The following TEDC1 variants were observed in gnomAD, a reference collection of about 807,000 sequenced individuals.
The protein encoded by TEDC1 is tubulin epsilon and delta complex 1.
In TEDC1, 54 loss-of-function variants were observed where a neutral mutation model predicts 59.9. The observed-to-expected ratio is 0.90, with a 90% CI of 0.72 to 1.13. TEDC1 has a LOEUF of 1.13. Among genes scored for constraint, TEDC1 ranks in the 50% most tolerant of loss-of-function variants. TEDC1 has a pLI of 0.00. For synonymous variants in TEDC1, 353 were observed against 298.1 expected (o/e 1.18, Z -1.90); for missense variants, 734 against 683.4 (o/e 1.07, Z -0.83).
intron 2 of TEDC1, 95 bp downstream of exon 2, chr14:105,491,795 C>G (rs1445534266): frequency 7.2e-7 from 1 of 1,379,448 alleles, no homozygotes; most frequent in Non-Finnish European, 9.9e-7. Flanking sequence ...CCCCGGCAGG[C>G]TCTAGCCCCC....
At position 105,497,830 on chromosome 14, in the gene TEDC1, G is replaced by C. The variant is rs1555440750; in HGVS notation, c.1011G>C (p.Val337=). The change falls in exon 8 of 9, where the codon GTG becomes GTC. Residue 337 remains valine (V), a synonymous_variant. Coordinates refer to ENST00000392523, the MANE Select transcript of TEDC1 (RefSeq NM_001367178.1). ...TCCTGGGCACCTGTGCCCCGGAGGTGCCTGCTGCAGCCTCACAGCCCACCT... is the reference window on the plus strand; with the variant it reads ...TCCTGGGCACCTGTGCCCCGGAGGTCCCTGCTGCAGCCTCACAGCCCACCT... ...DTVLGTCAPE[V]PAAASQPTFL... is the part of the protein sequence containing the mutation. The C allele has an allele frequency of 6.4e-7, 1 of 1,572,328 alleles. No homozygotes were observed. Among genetic ancestry groups the C allele is most frequent in the Non-Finnish European group, 8.6e-7 (1 of 1,158,986 alleles).
At position 105,491,598 on chromosome 14, in the gene TEDC1, C is replaced by T. The variant is rs1555439309; in HGVS notation, c.148-24C>T. On this transcript the variant is annotated intron_variant, in intron 1 of 8. Transcript: ENST00000392523. Reference sequence around the variant, plus strand: ...CAGGGAGTTGGGCCGGCTCCGCTGACCGCCCGCTTTTTATTTTCCGCAGAC... The same window carrying T: ...CAGGGAGTTGGGCCGGCTCCGCTGATCGCCCGCTTTTTATTTTCCGCAGAC... 25 of 1,548,942 alleles carry T rather than the reference C, an allele frequency of 1.6e-5. No individual in the cohort carries two copies. The South Asian group carries it at 2.4e-4, about 15-fold the overall frequency.
rs781915252 is a variant in TEDC1, at chr14:105,498,967, G to A, written c.*21G>A. Reference sequence around the variant, plus strand: ...GCTGAGGGCCTGTCGACGGGCCCTCGTGTGGGAAGCCTGCCCTGGCCCAGC... The same window carrying A: ...GCTGAGGGCCTGTCGACGGGCCCTCATGTGGGAAGCCTGCCCTGGCCCAGC... On this transcript the variant is annotated 3_prime_UTR_variant, in exon 9 of 9. Transcript: ENST00000392523. 26 of 1,579,196 alleles carry A rather than the reference G, an allele frequency of 1.6e-5. No individual in the cohort carries two copies. Among genetic ancestry groups the A allele is most frequent in the South Asian group, 3.5e-5 (3 of 86,410 alleles).
chr14:105,490,952 G>A (rs2084191521), upstream of TEDC1: 6 of 1,325,538 alleles, frequency 4.5e-6, no homozygotes, highest in South Asian at 6.3e-5. Context: ...CTGCAAGGGC[G>A]GACTCTGCGG....
Position 105,498,664 on chromosome 14 carries a change from C to T in TEDC1, c.1206C>T (p.Ala402=), listed in dbSNP as rs1555441009. 15 of 1,554,222 alleles carry T rather than the reference C, an allele frequency of 9.7e-6. No homozygotes were observed. The highest frequency in any genetic ancestry group is 8.7e-7 in the Non-Finnish European group (1 of 1,149,592). The stretch of plus-strand genomic sequence containing the variant: ...CAGAGTGGAGTGCCGCGCGGCGGGC[C>T]TCTCGGGAGGCTGTGGAAAAGGAGC... ...RGPEWSAARR[A]SREAVEKELG... The change falls in exon 9 of 9, where the codon GCC becomes GCT. Residue 402 remains alanine, a synonymous_variant. Transcript: ENST00000392523.
intron 2 of TEDC1, among the ~76,000 whole-genome samples, 158 bp from the exon 3 acceptor site, chr14:105,491,949 C>G (rs1224183656): frequency 6.6e-6 from 1 of 152,244 alleles, no homozygotes; most frequent in East Asian, 1.9e-4. Flanking sequence ...GGCCCCTGGT[C>G]TCCTCATCCT....
Position 105,499,067 on chromosome 14 carries a change from C to T in TEDC1, c.*121C>T, listed in dbSNP as rs900908615. ...CGATGCAGATGCAGAGCCCACGTCA[C>T]ATGCTCGCTCCAGGGGTGGGGCTGG... On this transcript the variant is annotated 3_prime_UTR_variant, in exon 9 of 9. Transcript: ENST00000392523. The T allele has an allele frequency of 6.4e-6, 7 of 1,093,342 alleles. No individual in the cohort carries two copies. Among genetic ancestry groups the T allele is most frequent in the Non-Finnish European group, 7.7e-6 (6 of 782,044 alleles). The allele number at this position is 1,093,342 out of a possible 1,614,324, so 67.7% of individuals were successfully genotyped here.
In TEDC1 at chr14:105,491,290, C is replaced by CA. The variant is rs1555439181; in HGVS notation, c.-85dup. The CA allele has an allele frequency of 6.6e-7, 1 of 1,510,538 alleles. No homozygotes were observed. Among genetic ancestry groups the CA allele is most frequent in the African/African-American group, 1.4e-5 (1 of 72,530 alleles). The allele number at this position is 1,510,538 out of a possible 1,614,324, so 93.6% of individuals were successfully genotyped here. A position where few individuals can be genotyped will look rare whatever the true frequency, so the allele number is the denominator to read the frequency against. ...AACTGGGCGCAGGTCCCAGCCGCCG[C>CA]ACTAAACCCGGCCCGTGCGGTGATT... On this transcript the variant is annotated 5_prime_UTR_variant, in exon 1 of 9. Transcript: ENST00000392523.
rs587701408 is a variant in TEDC1, at chr14:105,493,968, G to T, written c.684+35G>T. The T allele has an allele frequency of 1.6e-3, 1,191 of 752,578 alleles. 2 individuals carry two copies. The highest frequency in any genetic ancestry group is 2.0e-3 in the Non-Finnish European group (953 of 470,276). 46.6% of individuals were successfully genotyped at this position (752,578 alleles called of 1,614,324 possible). On this transcript the variant is annotated intron_variant, in intron 5 of 8. Coordinates refer to ENST00000392523, the MANE Select transcript of TEDC1 (RefSeq NM_001367178.1). ...GGCAAGCTGCTGCGGGGGGGTGGGG[G>T]TGGGCTGGGGGGCACAGCAGGGGGA...
intron 7 of TEDC1, 127 bp from the exon 8 acceptor site, chr14:105,497,671 C>T (rs587672668): frequency 2.7e-5 from 34 of 1,270,862 alleles, no homozygotes; most frequent in African/African-American, 1.8e-4. Flanking sequence ...CCTCCCTGGA[C>T]GTCACAGTTG....
intron 2 of TEDC1, 121 bp from the exon 3 acceptor site, chr14:105,491,983 TATC>T: frequency 9.4e-7 from 1 of 1,060,440 alleles, no homozygotes; most frequent in Non-Finnish European, 1.4e-6. Context: ...GCTCTCCCAC[TATC>T]ATCTCTTCTG....
At chr14:105,491,063 G>A, upstream of TEDC1, 6 of 1,551,388 alleles carry the variant, frequency 3.9e-6, no homozygotes, top group Non-Finnish European at 4.4e-6. Flanking sequence ...ATTGGGCTTG[G>A]ACACGAAGGC....
chr14:105,497,484 A>G, intron 7 of TEDC1, 41 bp downstream of exon 7: 1 of 1,532,488 alleles, frequency 6.5e-7, no homozygotes, highest in Non-Finnish European at 8.8e-7. Flanking sequence ...ATCCCTTCCC[A>G]CAGCAGCCCC....
chr14:105,495,977 A>G lies in TEDC1; in HGVS notation c.782A>G (p.Asn261Ser), dbSNP rs1555440357. 1 of 1,550,308 alleles carries G rather than the reference A, an allele frequency of 6.5e-7. No homozygotes were observed. Among genetic ancestry groups the G allele is most frequent in the Admixed American group, 2.0e-5 (1 of 51,000 alleles). The change falls in exon 6 of 9, where the codon AAT (asparagine) becomes AGT (serine). Residue 261 changes from asparagine (N) to serine (S), a missense_variant. Coordinates refer to ENST00000392523, the MANE Select transcript of TEDC1 (RefSeq NM_001367178.1). ...TPGMGPRTFWNDLWLVCEQPG... is the reference protein window; with the variant it reads ...TPGMGPRTFWSDLWLVCEQPG... Reference sequence around the variant, plus strand: ...GGGATGGGTCCCAGAACCTTCTGGAATGATCTGTGGCTGGTATGTGAGCAG... The same window carrying G: ...GGGATGGGTCCCAGAACCTTCTGGAGTGATCTGTGGCTGGTATGTGAGCAG...
At chr14:105,494,181 G>A in intron 5 of TEDC1, 1 of 567,026 alleles carries the variant, frequency 1.8e-6, no homozygotes, top group Non-Finnish European at 3.2e-6. Flanking sequence ...GGGGGCCCAG[G>A]ACGCAGGAGC....
chr14:105,493,981 CA>C, intron 5 of TEDC1, 48 bp downstream of exon 5: 3 of 456,830 alleles, frequency 6.6e-6, no homozygotes, highest in Non-Finnish European at 1.1e-5. Context: ...GGCTGGGGGG[CA>C]CAGCAGGGGG....
At chr14:105,495,590 C>T (rs1421088773) in intron 5 of TEDC1, 1 of 359,550 alleles carries the variant, frequency 2.8e-6, no homozygotes, top group Non-Finnish European at 5.1e-6. Flanking sequence ...CCCAGTCAGC[C>T]TGCACTGGCG....
intron 5 of TEDC1, chr14:105,494,321 G>C: frequency 3.6e-6 from 1 of 281,612 alleles, no homozygotes; most frequent in East Asian, 1.0e-4. Context: ...CTAGGGGTGT[G>C]GGGGGCCAGC....
At chr14:105,493,999 CA>C in intron 5 of TEDC1, 66 bp downstream of exon 5, 1 of 311,682 alleles carries the variant, frequency 3.2e-6, no homozygotes. Flanking sequence ...GGGGACTGCC[CA>C]GGGTGGGAGG....
Sources: gnomAD v4.1 joint callset for allele counts (sites outside exome capture counted in the v4.1 genomes callset) on GRCh38, gnomAD v4.1.1 for gene constraint, MANE v1.5 for transcripts, NCBI Gene and HGNC (gene_info 2026-07-23, HGNC 2026-07-21) for gene names.